The following ABHD3 variants were observed in gnomAD, a reference collection of about 807,000 sequenced individuals.
ABHD3 encodes phospholipase ABHD3.
Under a neutral mutation model 48.8 loss-of-function variants are expected in ABHD3, and 46 were observed. The ratio of observed to expected loss-of-function variants is 0.94; its 90% CI spans 0.74 to 1.20. The LOEUF is 1.20. Among genes scored for constraint, ABHD3 ranks in the 50% most tolerant of loss-of-function variants. The probability of loss-of-function intolerance (pLI) is 0.00; values close to 1 mark genes in which losing one functional copy is unlikely to be tolerated. For missense variants in ABHD3, 490 were observed against 497.8 expected (o/e 0.98, Z 0.15); for synonymous variants, 192 against 183.7 (o/e 1.04, Z -0.36).
chr18:21,666,226 G>A (rs1029975925), intron 4 of ABHD3, among the ~76,000 whole-genome samples: 2 of 151,990 alleles, frequency 1.3e-5, no homozygotes, highest in Admixed American at 6.6e-5. Flanking sequence ...ACACAGTCTC[G>A]CTCTGTTGCC....
At chr18:21,652,863 G>A (rs1350377057) in intron 8 of ABHD3, among the ~76,000 whole-genome samples, 7 of 150,368 alleles carry the variant, frequency 4.7e-5, no homozygotes, top group Non-Finnish European at 7.4e-5. Context: ...GACCATCCTG[G>A]CCAACGTGGT....
chr18:21,662,962 G>T (rs1021442254), intron 5 of ABHD3, among the ~76,000 whole-genome samples: 1 of 152,302 alleles, frequency 6.6e-6, no homozygotes, highest in East Asian at 1.9e-4. Flanking sequence ...CATTATGGGG[G>T]AAAGGAAAGT....
chr18:21,669,851 G>A (rs2039716806), intron 4 of ABHD3, among the ~76,000 whole-genome samples: 1 of 152,136 alleles, frequency 6.6e-6, no homozygotes, highest in African/African-American at 2.4e-5. Context: ...TCGAGTACAG[G>A]GCTGGTAAGT....
chr18:21,695,911 C>T (rs747651229), intron 3 of ABHD3, among the ~76,000 whole-genome samples: 5 of 151,996 alleles, frequency 3.3e-5, no homozygotes, highest in Admixed American at 2.6e-4. Flanking sequence ...CTTTGCAGCC[C>T]CAAAATACTT....
At chr18:21,679,982 C>A (rs1283222063) in intron 4 of ABHD3, among the ~76,000 whole-genome samples, 1 of 150,652 alleles carries the variant, frequency 6.6e-6, no homozygotes, top group African/African-American at 2.4e-5. Context: ...CCCTAAAAAG[C>A]TTTATCTTAC....
rs997582494 is a variant in ABHD3, at chr18:21,704,747, G to A, written c.-82C>T. On this transcript the variant is annotated 5_prime_UTR_variant, in exon 1 of 9. Transcript: ENST00000289119. ...GGCGAGAGCGGGCGAGAGCGGACGC[G>A]GCGCCGCTGCCTACTCCCGACCACA... The A allele has an allele frequency of 3.2e-6, 4 of 1,265,200 alleles. No individual in the cohort carries two copies. Among genetic ancestry groups the A allele is most frequent in the East Asian group, 3.2e-5 (1 of 31,204 alleles). The allele number at this position is 1,265,200 out of a possible 1,614,324, so 78.4% of individuals were successfully genotyped here. A position where few individuals can be genotyped will look rare whatever the true frequency, so the allele number is the denominator to read the frequency against.
At chr18:21,680,880 G>GTGTA (rs1555681025) in intron 4 of ABHD3, among the ~76,000 whole-genome samples, 14 of 147,174 alleles carry the variant, frequency 9.5e-5, no homozygotes, top group African/African-American at 3.0e-4. Context: ...GTGTGTGTGT[G>GTGTA]TATATATATA....
At chr18:21,681,483 G>T (rs553065079) in intron 4 of ABHD3, among the ~76,000 whole-genome samples, 22 of 152,062 alleles carry the variant, frequency 1.4e-4, no homozygotes, top group Middle Eastern at 6.8e-3. Flanking sequence ...CTCCATGTAG[G>T]TCTGTAGTAA....
At chr18:21,689,858 A>C (rs1419669280) in intron 3 of ABHD3, among the ~76,000 whole-genome samples, 7 of 152,176 alleles carry the variant, frequency 4.6e-5, no homozygotes, top group Admixed American at 4.6e-4. Flanking sequence ...CAAGTTAACT[A>C]TCTAATAAAG....
chr18:21,684,079 T>C, intron 3 of ABHD3, 114 bp from the exon 4 acceptor site: 1 of 911,192 alleles, frequency 1.1e-6, no homozygotes, highest in South Asian at 2.2e-5. Context: ...TTTAAAAATC[T>C]GTCTTGTAGT....
chr18:21,656,480 T>G (rs1315779037), intron 8 of ABHD3, among the ~76,000 whole-genome samples: 1 of 152,206 alleles, frequency 6.6e-6, no homozygotes, highest in East Asian at 1.9e-4. Context: ...CTCTTCCAGA[T>G]TAAAAGGGAA....
At chr18:21,657,071 A>C in intron 7 of ABHD3, 33 bp downstream of exon 7, 1 of 1,613,958 alleles carries the variant, frequency 6.2e-7, no homozygotes, top group South Asian at 1.1e-5. Flanking sequence ...CCAAAAGAAG[A>C]AATAAAAGTA....
At chr18:21,703,367 G>GCGGTTA (rs2146343862) in intron 2 of ABHD3, among the ~76,000 whole-genome samples, 1 of 152,152 alleles carries the variant, frequency 6.6e-6, no homozygotes, top group African/African-American at 2.4e-5. Context: ...CATCAGGTTG[G>GCGGTTA]CGGTTAGGGC....
chr18:21,687,413 G>A (rs897582966), intron 3 of ABHD3, among the ~76,000 whole-genome samples: 7 of 151,882 alleles, frequency 4.6e-5, no homozygotes, highest in Non-Finnish European at 1.5e-5. Context: ...GGGTTTCACC[G>A]TGTTAGCCAG....
intron 4 of ABHD3, among the ~76,000 whole-genome samples, chr18:21,668,799 G>A (rs996483860): frequency 2.0e-5 from 3 of 152,162 alleles, no homozygotes; most frequent in African/African-American, 7.2e-5. Flanking sequence ...CAATGAAGGA[G>A]TGTGGATTTC....
intron 8 of ABHD3, among the ~76,000 whole-genome samples, chr18:21,656,653 T>C (rs1448816862): frequency 6.6e-6 from 1 of 152,198 alleles, no homozygotes; most frequent in African/African-American, 2.4e-5. Context: ...CAGTGAGTCA[T>C]AATTTGTTCT....
At chr18:21,695,847 C>T (rs2040358049) in intron 3 of ABHD3, among the ~76,000 whole-genome samples, 2 of 152,162 alleles carry the variant, frequency 1.3e-5, no homozygotes, top group African/African-American at 4.8e-5. Context: ...GCTGCACAGT[C>T]TTTGCCACTT....
intron 4 of ABHD3, 96 bp from the exon 5 acceptor site, chr18:21,664,326 T>A: frequency 8.7e-7 from 1 of 1,146,808 alleles, no homozygotes; most frequent in Non-Finnish European, 1.2e-6. Context: ...GTCATACATA[T>A]GAGAAAATAA....
chr18:21,677,665 T>C (rs980434533), intron 4 of ABHD3, among the ~76,000 whole-genome samples: 1 of 151,998 alleles, frequency 6.6e-6, no homozygotes, highest in African/African-American at 2.4e-5. Flanking sequence ...TTTTACTTTT[T>C]TGTTTTTGGT....
Sources: gnomAD v4.1 joint callset for allele counts (sites outside exome capture counted in the v4.1 genomes callset) on GRCh38, gnomAD v4.1.1 for gene constraint, MANE v1.5 for transcripts, NCBI Gene and HGNC (gene_info 2026-07-23, HGNC 2026-07-21) for gene names.